The following TBC1D19 variants were observed in gnomAD, a reference collection of about 807,000 sequenced individuals.
The protein encoded by TBC1D19 is TBC1 domain family member 19, also known as TBC1 domain family, member 19.
TBC1D19 carries 60 observed loss-of-function variants against 89.0 expected under a neutral mutation model. That is an observed-to-expected ratio of 0.67 (90% CI 0.55 to 0.84). The LOEUF (loss-of-function observed/expected upper bound fraction) is 0.84. Ranked by LOEUF, TBC1D19 falls within the 40% of genes least tolerant of loss-of-function variation. TBC1D19 has a pLI of 0.00. For missense variants in TBC1D19, 500 were observed against 610.8 expected (o/e 0.82, Z 1.91); for synonymous variants, 189 against 199.7 (o/e 0.95, Z 0.45).
intron 1 of TBC1D19, among the ~76,000 whole-genome samples, chr4:26,612,957 G>A (rs114663796): frequency 1.2e-3 from 181 of 152,062 alleles, no homozygotes; most frequent in African/African-American, 4.1e-3. Context: ...TACTATCACA[G>A]ATCCTTTAAG....
intron 11 of TBC1D19, among the ~76,000 whole-genome samples, chr4:26,681,717 A>G (rs542705248): frequency 1.9e-4 from 29 of 152,224 alleles, no homozygotes; most frequent in Non-Finnish European, 3.7e-4. Context: ...AATTGTGACA[A>G]ATCTATACCA....
intron 7 of TBC1D19, among the ~76,000 whole-genome samples, chr4:26,653,160 C>T (rs1299210603): frequency 6.6e-6 from 1 of 152,164 alleles, no homozygotes; most frequent in Admixed American, 6.6e-5. Flanking sequence ...TGTTCAGTTT[C>T]CATGTAGTTG....
intron 11 of TBC1D19, among the ~76,000 whole-genome samples, chr4:26,682,190 T>C (rs1414245010): frequency 1.3e-5 from 2 of 152,176 alleles, no homozygotes; most frequent in Non-Finnish European, 2.9e-5. Context: ...ATATTTGAAT[T>C]AGGTGCTGTT....
intron 7 of TBC1D19, among the ~76,000 whole-genome samples, chr4:26,641,115 C>T (rs1255606224): frequency 1.3e-5 from 2 of 152,252 alleles, no homozygotes; most frequent in South Asian, 2.1e-4. Flanking sequence ...GGTCCCTGAC[C>T]CCCGTGTAGC....
the TBC1D19 span, among the ~76,000 whole-genome samples, chr4:26,817,981 A>AAAAAAATAT: frequency 1.6e-5 from 2 of 126,080 alleles, no homozygotes; most frequent in Admixed American, 7.6e-5. Flanking sequence ...AAAAAAAAAA[A>AAAAAAATAT]ATATATATAT....
chr4:26,638,622 A>G, intron 5 of TBC1D19, 149 bp from the exon 6 acceptor site: 1 of 617,528 alleles, frequency 1.6e-6, no homozygotes, highest in Non-Finnish European at 2.9e-6. Flanking sequence ...ATTTAAATGC[A>G]GTTACCCCCC....
intron 15 of TBC1D19, among the ~76,000 whole-genome samples, chr4:26,726,234 G>A (rs1026784187): frequency 2.0e-5 from 3 of 151,792 alleles, no homozygotes; most frequent in Admixed American, 6.6e-5. Context: ...CCAGGGGAGA[G>A]GGATGCTGAT....
Position 26,699,884 on chromosome 4 carries a change from G to A in TBC1D19, c.954+11477G>A, listed in dbSNP as rs148487832. Among the ~76,000 whole-genome samples the A allele has an allele frequency of 9.8e-3, 1,492 of 151,706 alleles. 31 individuals carry two copies. Among genetic ancestry groups the A allele is most frequent in the African/African-American group, 0.034 (1,424 of 41,288 alleles). Reference sequence around the variant, plus strand: ...GTTTTGGGGTGGGGGGAAGGGGGAGGGAAAGCATTAGGAGATATACCTAAT... The same window carrying A: ...GTTTTGGGGTGGGGGGAAGGGGGAGAGAAAGCATTAGGAGATATACCTAAT... On this transcript the variant is annotated intron_variant, in intron 13 of 20. Coordinates refer to ENST00000264866, the MANE Select transcript of TBC1D19 (RefSeq NM_018317.4).
intron 4 of TBC1D19, among the ~76,000 whole-genome samples, chr4:26,636,180 G>C (rs1356602718): frequency 6.6e-6 from 1 of 151,900 alleles, no homozygotes; most frequent in Non-Finnish European, 1.5e-5. Flanking sequence ...TATTAGGTCT[G>C]AATTTTGGGA....
chr4:26,822,946 A>G, the TBC1D19 span, among the ~76,000 whole-genome samples: 1 of 152,254 alleles, frequency 6.6e-6, no homozygotes. Context: ...TCCACTCTCA[A>G]TAGTGGTCCA....
At chr4:26,663,071 C>T (rs899699210) in intron 8 of TBC1D19, 2 of 152,120 alleles carry the variant, frequency 1.3e-5, no homozygotes, top group African/African-American at 4.8e-5. Context: ...TGGATGCCTG[C>T]AAGAAAAACA....
At chr4:26,752,822 A>AT (rs1342156007) in intron 19 of TBC1D19, among the ~76,000 whole-genome samples, 1 of 152,094 alleles carries the variant, frequency 6.6e-6, no homozygotes, top group Non-Finnish European at 1.5e-5. Context: ...AATAATCCAA[A>AT]TGCTGTTTTT....
At chr4:26,639,314 C>T (rs1321346694) in intron 6 of TBC1D19, among the ~76,000 whole-genome samples, 1 of 152,108 alleles carries the variant, frequency 6.6e-6, no homozygotes, top group African/African-American at 2.4e-5. Context: ...CCCACCAGAG[C>T]CTCCCAAAGT....
intron 1 of TBC1D19, among the ~76,000 whole-genome samples, chr4:26,609,126 T>G (rs1577795249): frequency 6.7e-6 from 1 of 149,252 alleles, no homozygotes; most frequent in Non-Finnish European, 1.5e-5. Flanking sequence ...AGTTAATGGG[T>G]GCAGCACACC....
intron 1 of TBC1D19, among the ~76,000 whole-genome samples, chr4:26,604,883 C>G (rs1365971405): frequency 7.0e-5 from 1 of 14,354 alleles, no homozygotes; most frequent in African/African-American, 1.3e-4. Context: ...GAATCCATCT[C>G]AAATAATAAT....
intron 7 of TBC1D19, among the ~76,000 whole-genome samples, chr4:26,658,470 G>T (rs1404453710): frequency 6.6e-6 from 1 of 152,032 alleles, no homozygotes; most frequent in African/African-American, 2.4e-5. Flanking sequence ...ACCAGTACCA[G>T]TCTGTTTTGG....
chr4:26,610,045 C>G (rs1219300898), intron 1 of TBC1D19, among the ~76,000 whole-genome samples: 2 of 151,884 alleles, frequency 1.3e-5, no homozygotes, highest in Non-Finnish European at 2.9e-5. Flanking sequence ...TTGAGAGTGC[C>G]AGGTGGAAGT....
At chr4:26,654,345 A>T (rs1211822233) in intron 7 of TBC1D19, among the ~76,000 whole-genome samples, 2 of 152,052 alleles carry the variant, frequency 1.3e-5, no homozygotes, top group South Asian at 4.1e-4. Context: ...TCTGACAATT[A>T]TGGGTCTTGG....
chr4:26,696,514 G>C (rs1714797779), intron 13 of TBC1D19, among the ~76,000 whole-genome samples: 1 of 152,154 alleles, frequency 6.6e-6, no homozygotes. Flanking sequence ...AGACCTAACA[G>C]ACATCTGCAG....
Sources: gnomAD v4.1 joint callset for allele counts (sites outside exome capture counted in the v4.1 genomes callset) on GRCh38, gnomAD v4.1.1 for gene constraint, MANE v1.5 for transcripts, NCBI Gene and HGNC (gene_info 2026-07-23, HGNC 2026-07-21) for gene names.